Variants in CASK observed in about 807,000 individuals in gnomAD.
CASK encodes the protein calcium/calmodulin dependent serine protein kinase.
Under a neutral mutation model 82.9 loss-of-function variants are expected in CASK, and 4 were observed. The observed-to-expected ratio is 0.05, with a 90% confidence interval of 0.02 to 0.11. CASK has a LOEUF of 0.11. Ranked by LOEUF, CASK falls within the 10% of genes least tolerant of loss-of-function variation. The probability of loss-of-function intolerance (pLI) is 1.00; values close to 1 mark genes in which losing one functional copy is unlikely to be tolerated. For missense variants in CASK, 358 were observed against 720.9 expected (o/e 0.50, Z 5.76); for synonymous variants, 259 against 253.5 (o/e 1.02, Z -0.20).
At chrX:41,742,150 C>T (rs2068605821) in intron 4 of CASK, among the ~76,000 whole-genome samples, 1 of 111,799 alleles carries the variant, frequency 8.9e-6, no homozygotes, top group Non-Finnish European at 1.9e-5. Context: ...GTAAGTAGAA[C>T]ACGGGATCTC....
intron 3 of CASK, among the ~76,000 whole-genome samples, chrX:41,774,598 C>A (rs1160467895): frequency 9.0e-6 from 1 of 111,546 alleles, no homozygotes; most frequent in Non-Finnish European, 1.9e-5. Flanking sequence ...GCCAAAAGAA[C>A]AAAGCTGGAG....
chrX:41,805,931 G>A (rs922359102), intron 2 of CASK, among the ~76,000 whole-genome samples: 5 of 111,606 alleles, frequency 4.5e-5, no homozygotes, highest in Non-Finnish European at 9.4e-5. Flanking sequence ...ACCCACTCCC[G>A]TGACAAAGTA....
At chrX:41,871,248 A>G (rs928419686) in intron 1 of CASK, among the ~76,000 whole-genome samples, 5 of 111,342 alleles carry the variant, frequency 4.5e-5, no homozygotes, top group Non-Finnish European at 9.4e-5. Context: ...CTTTAAGTTG[A>G]CTCTCTTTAC....
chrX:41,575,823 A>G (rs1359681371), intron 15 of CASK, among the ~76,000 whole-genome samples: 1 of 111,432 alleles, frequency 9.0e-6, no homozygotes, highest in Non-Finnish European at 1.9e-5. Context: ...AGGAGAAGAA[A>G]TATACATCTT....
At chrX:41,863,097 G>A (rs1235265198) in intron 1 of CASK, among the ~76,000 whole-genome samples, 1 of 111,920 alleles carries the variant, frequency 8.9e-6, no homozygotes, top group African/African-American at 3.3e-5. Context: ...CAGCAAGCAT[G>A]CTGCTAAGAA....
chrX:41,722,319 GCT>G (rs890571536), intron 5 of CASK, among the ~76,000 whole-genome samples: 6 of 112,152 alleles, frequency 5.3e-5, no homozygotes, highest in Non-Finnish European at 5.6e-5. Context: ...TGCAGGGCTG[GCT>G]CTGTGTGACC....
intron 5 of CASK, among the ~76,000 whole-genome samples, chrX:41,718,774 T>C (rs943502568): frequency 8.9e-6 from 1 of 112,024 alleles, no homozygotes. Flanking sequence ...AAAGCTTCAC[T>C]GGAGCTTATG....
intron 8 of CASK, among the ~76,000 whole-genome samples, chrX:41,656,483 T>C (rs12861869): frequency 6.2e-5 from 7 of 112,148 alleles, no homozygotes; most frequent in Non-Finnish European, 9.4e-5. Context: ...ACCATTTCTT[T>C]AGGCCAAAGA....
intron 1 of CASK, among the ~76,000 whole-genome samples, chrX:41,889,973 C>T (rs2072134414): frequency 9.0e-6 from 1 of 111,436 alleles, no homozygotes; most frequent in Non-Finnish European, 1.9e-5. Context: ...TAATTACTTC[C>T]TTGTTGGCAT....
At position 41,744,539 on chromosome X, in the gene CASK, T is replaced by A. The variant is rs538437035; in HGVS notation, c.356+985A>T. 2.5e-4 allele frequency among the ~76,000 whole-genome samples: 27 copies of A among 110,164 alleles called. No homozygotes were observed. In the South Asian group the frequency reaches 0.01, roughly 42 times the overall value. ...TTTTGTATTTTTAGTAGAGACGGGG[T>A]TTCACTGTGTTAGCCAGGATGGTCT... On this transcript the variant is annotated intron_variant, in intron 4 of 26. Coordinates refer to ENST00000378163, the MANE Select transcript of CASK (RefSeq NM_001367721.1).
chrX:41,805,843 C>T (rs925409550), intron 2 of CASK, among the ~76,000 whole-genome samples: 2 of 111,158 alleles, frequency 1.8e-5, no homozygotes, highest in African/African-American at 6.6e-5. Context: ...GATGCAAAGT[C>T]AGACTCAGGA....
chrX:41,555,720 G>T, intron 19 of CASK, 85 bp from the exon 20 acceptor site: 1 of 686,972 alleles, frequency 1.5e-6, no homozygotes, highest in Non-Finnish European at 2.3e-6. Flanking sequence ...TTACAATATG[G>T]TTAAAAAAAT....
chrX:41,618,597 C>G (rs1168145066), intron 11 of CASK, among the ~76,000 whole-genome samples: 1 of 111,065 alleles, frequency 9.0e-6, no homozygotes, highest in African/African-American at 3.3e-5. Flanking sequence ...AGCCACCATG[C>G]TTGGTCAGCA....
intron 12 of CASK, among the ~76,000 whole-genome samples, chrX:41,592,959 T>C (rs2065768679): frequency 8.9e-6 from 1 of 112,045 alleles, no homozygotes; most frequent in South Asian, 3.7e-4. Context: ...TTTGAGGCAC[T>C]GCTCCAAGGA....
chrX:41,558,559 T>C (rs779120497), intron 18 of CASK: 12 of 111,763 alleles, frequency 1.1e-4, no homozygotes, highest in African/African-American at 3.6e-4. Flanking sequence ...TTACATAGAA[T>C]GTTAAGTGTG....
chrX:41,797,146 G>GT (rs5902283), intron 2 of CASK, among the ~76,000 whole-genome samples: 152 of 100,346 alleles, frequency 1.5e-3, no homozygotes, highest in Middle Eastern at 5.1e-3. Flanking sequence ...TTTAGCTCTT[G>GT]TTTTTTTTTT....
At chrX:41,658,549 A>G (rs1290991209) in intron 8 of CASK, among the ~76,000 whole-genome samples, 5 of 111,948 alleles carry the variant, frequency 4.5e-5, no homozygotes, top group African/African-American at 1.6e-4. Context: ...GTGTGGTGTG[A>G]GAGCAGTTTG....
At chrX:41,572,085 C>T (rs1372184289) in intron 15 of CASK, among the ~76,000 whole-genome samples, 1 of 98,462 alleles carries the variant, frequency 1.0e-5, no homozygotes, top group Non-Finnish European at 2.1e-5. Flanking sequence ...TATCTTCTTA[C>T]TTTTTTTTTT....
chrX:41,749,562 T>A (rs1453742249), intron 3 of CASK, among the ~76,000 whole-genome samples: 1 of 105,218 alleles, frequency 9.5e-6, no homozygotes, highest in Non-Finnish European at 1.9e-5. Flanking sequence ...ATTTTTGTAT[T>A]TTTTTGTAGA....
Sources: allele counts gnomAD v4.1 joint callset (sites outside exome capture counted in the v4.1 genomes callset), GRCh38; gene constraint gnomAD v4.1.1; transcripts MANE v1.5; gene names NCBI Gene and HGNC (gene_info 2026-07-23, HGNC 2026-07-21).